Variants in MAP1B observed in about 807,000 individuals in gnomAD.
The protein encoded by MAP1B is microtubule associated protein 1B.
MAP1B carries 12 observed loss-of-function variants against 176.1 expected under a neutral mutation model. The ratio of observed to expected loss-of-function variants is 0.07; its 90% CI spans 0.04 to 0.11. The LOEUF (loss-of-function observed/expected upper bound fraction) is 0.11, where lower values mean the gene tolerates loss of function less well. Among genes scored for constraint, MAP1B ranks in the 10% least tolerant of loss-of-function variants. MAP1B has a pLI of 1.00. For synonymous variants in MAP1B, 1,044 were observed against 1,135.0 expected, an observed-to-expected ratio of 0.92 and a Z score of 1.61; for missense variants, 2,523 against 2,990.5, an observed-to-expected ratio of 0.84 and a Z score of 3.65.
chr5:72,118,725 G>A (rs560046852), intron 2 of MAP1B, among the ~76,000 whole-genome samples: 4 of 152,266 alleles, frequency 2.6e-5, no homozygotes, highest in African/African-American at 9.6e-5. Flanking sequence ...TAGGATTATA[G>A]GCATGAGCCA....
At chr5:72,141,599 C>T (rs1382164024) in intron 2 of MAP1B, among the ~76,000 whole-genome samples, 1 of 152,196 alleles carries the variant, frequency 6.6e-6, no homozygotes, top group Non-Finnish European at 1.5e-5. Flanking sequence ...GAGCCAGCCT[C>T]TCAGTACCCT....
rs765864217 is a variant in MAP1B, at chr5:72,200,397, A to G, written c.7012+30A>G. 56 of 1,600,544 alleles carry G rather than the reference A, an allele frequency of 3.5e-5. 1 individual carries two copies. In the South Asian group the frequency reaches 4.8e-4, roughly 14 times the overall value. On this transcript the variant is annotated intron_variant, in intron 5 of 6. Coordinates refer to ENST00000296755, the MANE Select transcript of MAP1B (RefSeq NM_005909.5). Reference sequence around the variant, plus strand: ...GTTGAGAAGGCTGGGCATTGGATATATGTCACAACCATTCTACTTGCGTTT... The same window carrying G: ...GTTGAGAAGGCTGGGCATTGGATATGTGTCACAACCATTCTACTTGCGTTT...
At chr5:72,115,595 C>T (rs1745417777) in intron 1 of MAP1B, 103 bp from the exon 2 acceptor site, 4 of 738,258 alleles carry the variant, frequency 5.4e-6, no homozygotes, top group African/African-American at 1.7e-5. Flanking sequence ...AAGGAGTTCC[C>T]ACATCCTCCC....
chr5:72,122,752 G>A lies in MAP1B; in HGVS notation c.286+6953G>A, dbSNP rs1274292958. On this transcript the variant is annotated intron_variant, in intron 2 of 6. Coordinates refer to ENST00000296755, the MANE Select transcript of MAP1B (RefSeq NM_005909.5). The stretch of plus-strand genomic sequence containing the variant: ...GAACCACTCAGCATAGACAGGCATA[G>A]GCAGGAAGGTAGCAGAAAATGGGCT... 2.0e-5 allele frequency among the ~76,000 whole-genome samples: 3 copies of A among 151,712 alleles called. No homozygotes were observed. In the South Asian group the frequency reaches 6.2e-4, roughly 32 times the overall value.
chr5:72,144,267 G>C (rs1262929080), intron 2 of MAP1B, among the ~76,000 whole-genome samples: 5 of 152,196 alleles, frequency 3.3e-5, no homozygotes, highest in Non-Finnish European at 5.9e-5. Flanking sequence ...GAGAGAGAGA[G>C]ACTTGATCCC....
At chr5:72,158,047 G>A (rs1436371499) in intron 2 of MAP1B, among the ~76,000 whole-genome samples, 2 of 129,372 alleles carry the variant, frequency 1.5e-5, no homozygotes, top group Non-Finnish European at 3.1e-5. Flanking sequence ...TCTCGCGTTC[G>A]CCCAGGCTGG....
In MAP1B at chr5:72,198,363, C is replaced by T; in HGVS notation, c.5008C>T (p.Pro1670Ser). 6.2e-7 allele frequency: 1 copy of T among 1,614,178 alleles called. No individual in the cohort carries two copies. The highest frequency in any genetic ancestry group is 8.5e-7 in the Non-Finnish European group (1 of 1,180,026). The change falls in exon 5 of 7, where the codon CCT becomes TCT. Residue 1670 changes from proline to serine, a missense_variant. Pro to Ser is a moderately conservative substitution (Grantham distance 74). Around this residue, in one of 4 missense-constraint regions of MAP1B, gnomAD observed 1,925 missense variants for 2,126.0 expected, o/e 0.91. Coordinates refer to ENST00000296755, the MANE Select transcript of MAP1B (RefSeq NM_005909.5). ...MDFSRQSPDH[P>S]TVGAGVLHIT... The stretch of plus-strand genomic sequence containing the variant: ...CTTCAGTCGACAGTCTCCAGATCAC[C>T]CTACAGTGGGTGCAGGCGTGCTTCA...
Position 72,112,488 on chromosome 5 carries a change from C to T in MAP1B, c.185-3210C>T, listed in dbSNP as rs574152150. 5.3e-5 allele frequency among the ~76,000 whole-genome samples: 8 copies of T among 152,286 alleles called. No individual in the cohort carries two copies. The East Asian group carries it at 1.5e-3, about 29-fold the overall frequency. ...TTCACCCTGACTTGTTCTTTAATGA[C>T]CCCTCCCTGCCTCCCTGCCCCATAA... is the stretch of plus-strand genomic sequence containing the variant. On this transcript the variant is annotated intron_variant, in intron 1 of 6. Coordinates refer to ENST00000296755, the MANE Select transcript of MAP1B (RefSeq NM_005909.5).
intron 1 of MAP1B, among the ~76,000 whole-genome samples, chr5:72,113,263 T>A (rs930327435): frequency 1.1e-4 from 17 of 152,200 alleles, no homozygotes; most frequent in African/African-American, 3.9e-4. Flanking sequence ...ACCTTTATTT[T>A]ATAAGTGGTA....
At chr5:72,193,761 G>A (rs1219183364) in intron 4 of MAP1B, 105 bp from the exon 5 acceptor site, 16 of 1,280,980 alleles carry the variant, frequency 1.2e-5, no homozygotes, top group African/African-American at 6.1e-5. Flanking sequence ...CTGGTCCTAT[G>A]TGCATCCTGT....
At chr5:72,168,487 G>A (rs1438828424) in intron 2 of MAP1B, among the ~76,000 whole-genome samples, 14 of 152,158 alleles carry the variant, frequency 9.2e-5, no homozygotes, top group Non-Finnish European at 1.8e-4. Context: ...TATATTCCAA[G>A]TGTATATAAA....
intron 2 of MAP1B, among the ~76,000 whole-genome samples, chr5:72,120,630 A>G (rs766775220): frequency 1.8e-4 from 27 of 151,762 alleles, no homozygotes; most frequent in Middle Eastern, 3.4e-3. Context: ...GTTTCACTGC[A>G]TTAGCCAGGA....
chr5:72,180,819 C>T (rs1432868975), intron 2 of MAP1B, among the ~76,000 whole-genome samples: 4 of 152,144 alleles, frequency 2.6e-5, no homozygotes, highest in African/African-American at 9.7e-5. Flanking sequence ...CTTTTGTAAG[C>T]TCATCTCTGA....
At chr5:72,114,544 A>G (rs533558081) in intron 1 of MAP1B, among the ~76,000 whole-genome samples, 1 of 152,372 alleles carries the variant, frequency 6.6e-6, no homozygotes, top group South Asian at 2.1e-4. Context: ...CAAAGGTACA[A>G]TGATGGATAC....
Position 72,107,661 on chromosome 5 carries a change from G to C in MAP1B, c.130G>C (p.Gly44Arg). Residue 44 changes from glycine (G) to arginine (R), a missense_variant, in exon 1 of 7, where the codon GGC becomes CGC. By Grantham distance (125) the Gly-to-Arg change is moderately radical. Coordinates refer to ENST00000296755, the MANE Select transcript of MAP1B (RefSeq NM_005909.5). The part of the protein sequence containing the change: ...DSKFYLLVVV[G>R]EIVTEEHLRR... ...CAAGTTCTACTTGCTGGTGGTCGTC[G>C]GCGAGATCGTGACCGAGGAGCACCT... is the stretch of plus-strand genomic sequence containing the variant. The C allele has an allele frequency of 6.2e-7, 1 of 1,600,092 alleles. No individual in the cohort carries two copies. Among genetic ancestry groups the C allele is most frequent in the Non-Finnish European group, 8.5e-7 (1 of 1,179,634 alleles).
At chr5:72,202,780 A>T (rs1315903933) in intron 5 of MAP1B, among the ~76,000 whole-genome samples, 1 of 152,236 alleles carries the variant, frequency 6.6e-6, no homozygotes. Flanking sequence ...CAAAAGCTTT[A>T]AACTTCCTAA....
chr5:72,114,877 T>C (rs1745405542), intron 1 of MAP1B, among the ~76,000 whole-genome samples: 1 of 152,210 alleles, frequency 6.6e-6, no homozygotes, highest in African/African-American at 2.4e-5. Context: ...GGAAGTCTGA[T>C]AGGACTTCCT....
Position 72,199,947 on chromosome 5 carries a change from A to G in MAP1B, c.6592A>G (p.Met2198Val). Residue 2198 changes from methionine to valine, a missense_variant, in exon 5 of 7, where the codon ATG (methionine) becomes GTG (valine). By Grantham distance (21) the Met-to-Val change is conservative. Coordinates refer to ENST00000296755, the MANE Select transcript of MAP1B (RefSeq NM_005909.5). The surrounding 1 kb of genome is among the most constrained non-coding windows in gnomAD (Gnocchi z 4.2). ...PTDKTVTYKHMDPPPAPVQDR... is the reference protein window; with the variant it reads ...PTDKTVTYKHVDPPPAPVQDR... ...AGACAAAACTGTCACGTACAAACACATGGACCCACCTCCAGCTCCCGTGCA... is the reference window on the plus strand; with the variant it reads ...AGACAAAACTGTCACGTACAAACACGTGGACCCACCTCCAGCTCCCGTGCA... The G allele has an allele frequency of 6.2e-7, 1 of 1,614,134 alleles. No homozygotes were observed. Among genetic ancestry groups the G allele is most frequent in the Non-Finnish European group, 8.5e-7 (1 of 1,180,024 alleles).
In MAP1B at chr5:72,198,411, G is replaced by A; in HGVS notation, c.5056G>A (p.Glu1686Lys). The A allele has an allele frequency of 6.2e-7, 1 of 1,614,112 alleles. No individual in the cohort carries two copies. Among genetic ancestry groups the A allele is most frequent in the Non-Finnish European group, 8.5e-7 (1 of 1,180,034 alleles). ...VLHITENGPTEVDYSPSDMQD... is the reference protein window; with the variant it reads ...VLHITENGPTKVDYSPSDMQD... ...TCACATCACTGAAAATGGGCCAACT[G>A]AAGTGGACTACAGTCCTTCTGACAT... The change falls in exon 5 of 7, where the codon GAA becomes AAA. Residue 1686 changes from glutamate (E) to lysine (K), a missense_variant. Physicochemically the swap from Glu to Lys is moderately conservative, Grantham distance 56. Transcript: ENST00000296755.
Sources: gnomAD v4.1 joint callset for allele counts (sites outside exome capture counted in the v4.1 genomes callset) on GRCh38, gnomAD v4.1.1 for gene constraint, gnomAD v4.1.1 regional missense constraint, Gnocchi (gnomAD v3.1) non-coding constraint, MANE v1.5 for transcripts, NCBI Gene and HGNC (gene_info 2026-07-23, HGNC 2026-07-21) for gene names.